The following SYNPO2 variants were observed in gnomAD, a reference collection of about 807,000 sequenced individuals.
SYNPO2 encodes synaptopodin-2.
In SYNPO2, 56 loss-of-function variants were observed where a neutral mutation model predicts 85.0. That is an observed-to-expected ratio of 0.66 (90% confidence interval 0.53 to 0.82). The LOEUF is 0.82. Ranked by LOEUF, SYNPO2 falls within the 40% of genes least tolerant of loss-of-function variation. SYNPO2 has a pLI of 0.00. For synonymous variants in SYNPO2, 602 were observed against 591.1 expected (o/e 1.02, Z -0.27); for missense variants, 1,575 against 1,534.2 (o/e 1.03, Z -0.44).
At chr4:118,958,314 C>A (rs1048889271) in intron 1 of SYNPO2, among the ~76,000 whole-genome samples, 1 of 152,146 alleles carries the variant, frequency 6.6e-6, no homozygotes, top group Non-Finnish European at 1.5e-5. Flanking sequence ...GAGGAAAGTG[C>A]AGATGAAACT....
intron 3 of SYNPO2, among the ~76,000 whole-genome samples, chr4:119,027,693 T>C (rs1230221094): frequency 6.6e-6 from 1 of 152,210 alleles, no homozygotes; most frequent in Non-Finnish European, 1.5e-5. Context: ...GCACAGGAAC[T>C]GTTAAAGAAA....
chr4:118,863,673 G>A lies in SYNPO2; in HGVS notation c.12+12733G>A, dbSNP rs182510864. On this transcript the variant is annotated intron_variant, in intron 1 of 4. Coordinates refer to the SYNPO2 transcript ENST00000610556. ...ATCACCCATGCTGGAGTGCAGTGGCGTGATCCTGGCTCACTGCAACCTCCA... is the reference window on the plus strand; with the variant it reads ...ATCACCCATGCTGGAGTGCAGTGGCATGATCCTGGCTCACTGCAACCTCCA... Among the ~76,000 whole-genome samples the A allele has an allele frequency of 7.9e-5, 12 of 151,882 alleles. No homozygotes were observed. The East Asian group carries it at 9.7e-4, about 12-fold the overall frequency.
In SYNPO2 at chr4:119,061,235, C is replaced by A. The variant is rs558555208; in HGVS notation, c.*3301C>A. On this transcript the variant is annotated 3_prime_UTR_variant, in exon 5 of 5. Coordinates refer to ENST00000307142, the MANE Select transcript of SYNPO2 (RefSeq NM_133477.3). Reference sequence around the variant, plus strand: ...GAAATTATATTAGTAATAAATGTAACTTGAAAAATCAAGTTTAGGAGCCTC... The same window carrying A: ...GAAATTATATTAGTAATAAATGTAAATTGAAAAATCAAGTTTAGGAGCCTC... 4 of 152,040 alleles carry A rather than the reference C, an allele frequency of 2.6e-5. No individual in the cohort carries two copies. In the South Asian group the frequency reaches 8.3e-4, roughly 32 times the overall value. 9.4% of individuals were successfully genotyped at this position (152,040 alleles called of 1,614,324 possible). A position where few individuals can be genotyped will look rare whatever the true frequency, so the allele number is the denominator to read the frequency against.
intron 1 of SYNPO2, among the ~76,000 whole-genome samples, chr4:118,987,120 T>A (rs992909913): frequency 6.6e-6 from 1 of 152,190 alleles, no homozygotes; most frequent in Non-Finnish European, 1.5e-5. Flanking sequence ...TTTTTAGATA[T>A]CTAAATGGAC....
chr4:118,976,522 C>T (rs1735748751), intron 1 of SYNPO2, among the ~76,000 whole-genome samples: 2 of 152,286 alleles, frequency 1.3e-5, no homozygotes, highest in South Asian at 4.1e-4. Context: ...CTTATCTGGC[C>T]CCACCCACAA....
At chr4:118,999,018 A>G (rs974345705) in intron 1 of SYNPO2, among the ~76,000 whole-genome samples, 4 of 152,218 alleles carry the variant, frequency 2.6e-5, no homozygotes, top group African/African-American at 9.7e-5. Flanking sequence ...GTAACATCTC[A>G]AAGATTTAGT....
At chr4:118,988,444 A>G (rs551603924) in intron 1 of SYNPO2, among the ~76,000 whole-genome samples, 1 of 152,284 alleles carries the variant, frequency 6.6e-6, no homozygotes, top group South Asian at 2.1e-4. Flanking sequence ...AACCTTATAC[A>G]GCAGGTTGAG....
At chr4:118,910,087 C>T (rs1328022971) in intron 1 of SYNPO2, among the ~76,000 whole-genome samples, 1 of 152,166 alleles carries the variant, frequency 6.6e-6, no homozygotes, top group Non-Finnish European at 1.5e-5. Context: ...ATTGACGGTT[C>T]ACCAGTCCCT....
Position 119,055,812 on chromosome 4 carries a change from A to G in SYNPO2, c.3253-1589A>G, listed in dbSNP as rs1297273524. Among the ~76,000 whole-genome samples the G allele has an allele frequency of 2.0e-5, 3 of 152,104 alleles. No homozygotes were observed. In the East Asian group the frequency reaches 5.8e-4, roughly 29 times the overall value. The stretch of plus-strand genomic sequence containing the variant: ...TGTAAGTAAAATTTAAATGATTAAA[A>G]TGAGAGAATCAAGATTTATTATATT... On this transcript the variant is annotated intron_variant, in intron 4 of 4. Transcript: ENST00000307142.
At position 118,894,167 on chromosome 4, in the gene SYNPO2, G is replaced by A. The variant is rs562596378; in HGVS notation, c.105+5026G>A. 2.0e-5 allele frequency among the ~76,000 whole-genome samples: 3 copies of A among 151,870 alleles called. No individual in the cohort carries two copies. The South Asian group carries it at 6.2e-4, about 32-fold the overall frequency. On this transcript the variant is annotated intron_variant, in intron 1 of 4. Transcript: ENST00000307142. Reference sequence around the variant, plus strand: ...AGAAGAGGTTAAAAAAAAAAGTGAGGCCAGATAGGTCCCCATAGGGCTTGA... The same window carrying A: ...AGAAGAGGTTAAAAAAAAAAGTGAGACCAGATAGGTCCCCATAGGGCTTGA...
chr4:118,927,067 A>G (rs1323898728), intron 1 of SYNPO2, among the ~76,000 whole-genome samples: 2 of 152,016 alleles, frequency 1.3e-5, no homozygotes, highest in Non-Finnish European at 2.9e-5. Flanking sequence ...CTCCTGTATC[A>G]CCTTCACTCT....
At chr4:118,917,780 AT>A (rs1213424729) in intron 1 of SYNPO2, among the ~76,000 whole-genome samples, 1 of 152,178 alleles carries the variant, frequency 6.6e-6, no homozygotes. Flanking sequence ...TTGAAAAGAG[AT>A]TTTTTATTAT....
chr4:118,866,294 C>T (rs1210497176), intron 1 of SYNPO2, among the ~76,000 whole-genome samples: 1 of 152,148 alleles, frequency 6.6e-6, no homozygotes, highest in South Asian at 2.1e-4. Flanking sequence ...CTCCCACTCC[C>T]CGACCCCCAC....
intron 1 of SYNPO2, among the ~76,000 whole-genome samples, chr4:118,966,754 G>T (rs1437493007): frequency 6.6e-6 from 1 of 152,072 alleles, no homozygotes; most frequent in Non-Finnish European, 1.5e-5. Flanking sequence ...CCTGTATTGG[G>T]TATTACCTGA....
At chr4:119,035,246 G>C in intron 4 of SYNPO2, 1 of 985,358 alleles carries the variant, frequency 1.0e-6, no homozygotes, top group Non-Finnish European at 1.2e-6. Context: ...TTCCTGACGG[G>C]AATGTTGTGC....
chr4:118,920,347 T>C (rs577749830), intron 1 of SYNPO2, among the ~76,000 whole-genome samples: 1 of 152,196 alleles, frequency 6.6e-6, no homozygotes, highest in East Asian at 1.9e-4. Flanking sequence ...AACTCAGAGC[T>C]CAGGAAAAGG....
intron 4 of SYNPO2, among the ~76,000 whole-genome samples, chr4:119,056,614 C>T (rs1015609072): frequency 6.6e-6 from 1 of 152,018 alleles, no homozygotes; most frequent in Admixed American, 6.6e-5. Context: ...ATTAAGTATA[C>T]ACAGAGGAAT....
intron 1 of SYNPO2, among the ~76,000 whole-genome samples, chr4:118,854,839 A>G (rs760608568): frequency 4.6e-5 from 7 of 152,168 alleles, no homozygotes; most frequent in African/African-American, 1.2e-4. Context: ...TATAATTTGT[A>G]TACACCTAAT....
chr4:118,994,768 G>A (rs976079777), intron 1 of SYNPO2, among the ~76,000 whole-genome samples: 4 of 152,114 alleles, frequency 2.6e-5, no homozygotes, highest in African/African-American at 9.7e-5. Context: ...GTTAAAAATC[G>A]TAGGTGTTAT....
Sources: allele counts gnomAD v4.1 joint callset (sites outside exome capture counted in the v4.1 genomes callset), GRCh38; gene constraint gnomAD v4.1.1; transcripts MANE v1.5; gene names NCBI Gene and HGNC (gene_info 2026-07-23, HGNC 2026-07-21).